The following ARHGEF7 variants were observed in gnomAD, a reference collection of about 807,000 sequenced individuals.
ARHGEF7 encodes Rho guanine nucleotide exchange factor 7.
Under a neutral mutation model 109.8 loss-of-function variants are expected in ARHGEF7, and 33 were observed. The observed-to-expected ratio is 0.30, with a 90% CI of 0.23 to 0.40. The LOEUF (loss-of-function observed/expected upper bound fraction) is 0.40, where lower values mean the gene tolerates loss of function less well. Ranked by LOEUF, ARHGEF7 falls within the 10% of genes least tolerant of loss-of-function variation. The pLI is 1.00. For synonymous variants in ARHGEF7, 458 were observed against 424.6 expected (o/e 1.08, Z -0.97); for missense variants, 938 against 1,098.5 (o/e 0.85, Z 2.07).
At chr13:111,278,798 T>C (rs2092629144) in intron 13 of ARHGEF7, among the ~76,000 whole-genome samples, 1 of 152,216 alleles carries the variant, frequency 6.6e-6, no homozygotes, top group African/African-American at 2.4e-5. Context: ...CTCATTCCAG[T>C]GGCTGGAGGC....
At chr13:111,298,602 C>T (rs2093478819) in intron 19 of ARHGEF7, among the ~76,000 whole-genome samples, 1 of 152,260 alleles carries the variant, frequency 6.6e-6, no homozygotes, top group Admixed American at 6.5e-5. Flanking sequence ...CTGATACTAC[C>T]AGCCTAATGT....
intron 1 of ARHGEF7, among the ~76,000 whole-genome samples, chr13:111,124,069 G>A (rs528696960): frequency 1.1e-4 from 17 of 150,096 alleles, no homozygotes; most frequent in African/African-American, 2.7e-4. Context: ...CTTTTTTCTC[G>A]TTATCTGGTT....
At chr13:111,242,433 C>G (rs2087948372) in intron 6 of ARHGEF7, among the ~76,000 whole-genome samples, 1 of 152,172 alleles carries the variant, frequency 6.6e-6, no homozygotes, top group South Asian at 2.1e-4. Flanking sequence ...TGGGGACAGA[C>G]TGAGCATGTT....
At chr13:111,234,826 G>A (rs1029961377) in intron 6 of ARHGEF7, among the ~76,000 whole-genome samples, 2 of 151,770 alleles carry the variant, frequency 1.3e-5, no homozygotes, top group Non-Finnish European at 2.9e-5. Flanking sequence ...TTAGCGCGTC[G>A]TGTGGCCCAC....
intron 2 of ARHGEF7, among the ~76,000 whole-genome samples, chr13:111,187,953 C>T (rs2079443024): frequency 1.3e-5 from 2 of 152,224 alleles, no homozygotes; most frequent in Admixed American, 6.5e-5. Context: ...TTTTTGGATG[C>T]TCATCCCTTC....
rs1204345438 is a variant in ARHGEF7 at position 111,288,397 on chromosome 13, T to C, written c.2088T>C (p.Ile696=). 2.5e-6 allele frequency: 4 copies of C among 1,613,814 alleles called. No individual in the cohort carries two copies. Among genetic ancestry groups the C allele is most frequent in the South Asian group, 1.1e-5 (1 of 91,028 alleles). The change falls in exon 18 of 22, where the codon ATT becomes ATC. Residue 696 remains isoleucine (I), a synonymous_variant. Coordinates refer to ENST00000646102, the MANE Select transcript of ARHGEF7 (RefSeq NM_001354046.2). ...AAGATGCTCAGATTCTGAAAGTCAT[T>C]GAAGCTTACTGCACCAGCGCCAAAA... ...LEEDAQILKV[I]EAYCTSAKTR...
At chr13:111,301,029 A>G (rs1595650501) in intron 20 of ARHGEF7, among the ~76,000 whole-genome samples, 182 bp downstream of exon 20, 1 of 151,686 alleles carries the variant, frequency 6.6e-6, no homozygotes, top group Non-Finnish European at 1.5e-5. Context: ...GCTCACTGCA[A>G]CCTCCACCTT....
chr13:111,170,823 G>A (rs970361844), intron 2 of ARHGEF7, among the ~76,000 whole-genome samples: 1 of 152,170 alleles, frequency 6.6e-6, no homozygotes, highest in Non-Finnish European at 1.5e-5. Flanking sequence ...CTGCTTGTTG[G>A]GTACTTGGGA....
intron 19 of ARHGEF7, among the ~76,000 whole-genome samples, chr13:111,296,896 G>T (rs1188935158): frequency 2.6e-5 from 4 of 152,180 alleles, no homozygotes; most frequent in Admixed American, 2.6e-4. Flanking sequence ...GGGAAACACA[G>T]ATCTTGACTG....
intron 2 of ARHGEF7, among the ~76,000 whole-genome samples, chr13:111,169,975 TG>T (rs2077450944): frequency 6.6e-6 from 1 of 152,100 alleles, no homozygotes; most frequent in African/African-American, 2.4e-5. Context: ...TGACTTAGAT[TG>T]GGTGATCAGA....
intron 2 of ARHGEF7, among the ~76,000 whole-genome samples, chr13:111,159,730 G>A (rs144149995): frequency 6.6e-6 from 1 of 151,806 alleles, no homozygotes; most frequent in African/African-American, 2.4e-5. Context: ...GTTTTTTTTT[G>A]TTACTGAGTT....
At chr13:111,233,540 A>G (rs2086389811) in intron 6 of ARHGEF7, among the ~76,000 whole-genome samples, 1 of 152,250 alleles carries the variant, frequency 6.6e-6, no homozygotes, top group Non-Finnish European at 1.5e-5. Flanking sequence ...CCCGTAACAT[A>G]GTAATGTGCG....
At chr13:111,256,123 T>C in intron 8 of ARHGEF7, among the ~76,000 whole-genome samples, 1 of 152,212 alleles carries the variant, frequency 6.6e-6, no homozygotes, top group East Asian at 1.9e-4. Flanking sequence ...TTTAGTCTTA[T>C]TCTTATCCTA....
chr13:111,303,556 C>T lies in ARHGEF7; in HGVS notation c.*443C>T, dbSNP rs1298112505. 3.9e-5 allele frequency: 6 copies of T among 152,596 alleles called. No individual in the cohort carries two copies. The highest frequency in any genetic ancestry group is 6.5e-5 in the Admixed American group (1 of 15,316). The allele number at this position is 152,596 out of a possible 1,614,324, so 9.5% of individuals were successfully genotyped here. ...CTACGTGAATAAGAAGTCCCATGCC[C>T]GCATCCACCGGAAGCAGAAGCCTGG... On this transcript the variant is annotated 3_prime_UTR_variant, in exon 22 of 22. Transcript: ENST00000646102.
intron 2 of ARHGEF7, among the ~76,000 whole-genome samples, chr13:111,201,647 G>A (rs2081224178): frequency 6.6e-6 from 1 of 152,150 alleles, no homozygotes; most frequent in Non-Finnish European, 1.5e-5. Context: ...AAAGTGTGGG[G>A]CATTCCAGTT....
chr13:111,244,027 C>A, intron 7 of ARHGEF7, 61 bp downstream of exon 7: 1 of 1,421,042 alleles, frequency 7.0e-7, no homozygotes, highest in Non-Finnish European at 9.8e-7. Flanking sequence ...CTGTTCTCTT[C>A]TATTTTCAGA....
intron 4 of ARHGEF7, among the ~76,000 whole-genome samples, chr13:111,212,005 G>A (rs181286635): frequency 1.3e-5 from 2 of 152,280 alleles, no homozygotes; most frequent in East Asian, 3.9e-4. Context: ...TGTTGTTTAT[G>A]CCCCTTTGCT....
chr13:111,299,595 G>A (rs7321969), intron 19 of ARHGEF7, among the ~76,000 whole-genome samples: 27,518 of 152,024 alleles, frequency 0.18, 3,241 homozygotes, highest in East Asian at 0.67. Flanking sequence ...ACCCGCCTCC[G>A]CCTCCCAAAG....
chr13:111,236,245 A>C (rs1284699701), intron 6 of ARHGEF7, among the ~76,000 whole-genome samples: 3 of 152,206 alleles, frequency 2.0e-5, no homozygotes, highest in Non-Finnish European at 4.4e-5. Flanking sequence ...TTTTTTAAAC[A>C]TAGTTTCCTT....
Sources: gnomAD v4.1 joint callset for allele counts (sites outside exome capture counted in the v4.1 genomes callset) on GRCh38, gnomAD v4.1.1 for gene constraint, MANE v1.5 for transcripts, NCBI Gene and HGNC (gene_info 2026-07-23, HGNC 2026-07-21) for gene names.